The following UACA variants were observed in gnomAD, a reference collection of about 807,000 sequenced individuals.
UACA encodes nuclear membrane binding protein.
In UACA, 112 loss-of-function variants were observed where a neutral mutation model predicts 160.5. The observed-to-expected ratio is 0.70, with a 90% confidence interval of 0.60 to 0.82. The LOEUF is 0.82. UACA is among the 40% of genes least tolerant of loss of function. The pLI, the probability that UACA is intolerant of heterozygous loss-of-function variation, is 0.00. For missense variants in UACA, 1,574 were observed against 1,614.6 expected (o/e 0.97, Z 0.43); for synonymous variants, 557 against 568.4 (o/e 0.98, Z 0.29).
chr15:70,688,449 T>C (rs1897808405), intron 5 of UACA, among the ~76,000 whole-genome samples: 1 of 152,164 alleles, frequency 6.6e-6, no homozygotes, highest in African/African-American at 2.4e-5. Flanking sequence ...TGACATACAT[T>C]ATAAGCACAA....
the UACA span, among the ~76,000 whole-genome samples, chr15:70,773,133 A>C: frequency 6.6e-6 from 1 of 152,098 alleles, no homozygotes; most frequent in African/African-American, 2.4e-5. Flanking sequence ...GCTAGAGAAT[A>C]GGCAGGAACT....
At chr15:70,684,560 T>C in intron 7 of UACA, 114 bp from the exon 8 acceptor site, 2 of 1,030,578 alleles carry the variant, frequency 1.9e-6, no homozygotes, top group Non-Finnish European at 2.8e-6. Flanking sequence ...AACTAGATTA[T>C]ATATGCAACA....
Position 70,667,719 on chromosome 15 carries a change from C to A in UACA, c.2965G>T (p.Val989Phe), listed in dbSNP as rs150013138. Residue 989 changes from valine to phenylalanine, a missense_variant, in exon 16 of 19, where the codon GTC becomes TTC. By Grantham distance (50) the Val-to-Phe change is conservative. Coordinates refer to ENST00000322954, the MANE Select transcript of UACA (RefSeq NM_018003.4). Reference sequence around the variant, plus strand: ...TTTCTCTCGCACTCCTCAAAGCTGACAATTGGGGCGTATTTTACCTTAATG... The same window carrying A: ...TTTCTCTCGCACTCCTCAAAGCTGAAAATTGGGGCGTATTTTACCTTAATG... ...ECIKVKYAPI[V>F]SFEECERKFK... is the part of the protein sequence containing the mutation. 2.5e-6 allele frequency: 4 copies of A among 1,614,006 alleles called. No individual in the cohort carries two copies. In the African/African-American group the frequency reaches 4.0e-5, roughly 16 times the overall value.
the UACA span, among the ~76,000 whole-genome samples, chr15:70,772,670 A>C: frequency 6.6e-6 from 1 of 152,306 alleles, no homozygotes; most frequent in African/African-American, 2.4e-5. Context: ...CTAGATAGCA[A>C]GAGTGAAATT....
In UACA at chr15:70,666,970, T is replaced by C. The variant is rs1382398935; in HGVS notation, c.3714A>G (p.Thr1238=). ...KYKATKSDLE[T]QISSLNEKLA... is the part of the protein sequence containing the mutation. Reference sequence around the variant, plus strand: ...ATTTTTCATTTAAGCTAGAAATCTGTGTCTCCAAATCACTTTTTGTTGCTT... The same window carrying C: ...ATTTTTCATTTAAGCTAGAAATCTGCGTCTCCAAATCACTTTTTGTTGCTT... The change falls in exon 16 of 19, where the codon ACA becomes ACG. Residue 1238 remains threonine (T), a synonymous_variant. Transcript: ENST00000322954. 6.2e-7 allele frequency: 1 copy of C among 1,612,534 alleles called. No homozygotes were observed. The highest frequency in any genetic ancestry group is 8.5e-7 in the Non-Finnish European group (1 of 1,179,768).
At chr15:70,776,723 C>T in the UACA span, among the ~76,000 whole-genome samples, 3 of 152,164 alleles carry the variant, frequency 2.0e-5, no homozygotes, top group African/African-American at 7.2e-5. Flanking sequence ...GCCACCATAC[C>T]TGGCCTAAAT....
chr15:70,677,898 C>G (rs895704860), intron 11 of UACA, among the ~76,000 whole-genome samples: 37 of 152,114 alleles, frequency 2.4e-4, no homozygotes, highest in African/African-American at 8.9e-4. Flanking sequence ...TCCTCACTTC[C>G]CTGAACATTC....
chr15:70,738,216 T>C (rs1374806328), intron 1 of UACA, among the ~76,000 whole-genome samples: 1 of 152,024 alleles, frequency 6.6e-6, no homozygotes, highest in Non-Finnish European at 1.5e-5. Context: ...TTATTTTTCT[T>C]CCGGTTTCTG....
intron 7 of UACA, among the ~76,000 whole-genome samples, chr15:70,686,179 G>A (rs1897709836): frequency 6.8e-6 from 1 of 146,204 alleles, no homozygotes; most frequent in Admixed American, 6.9e-5. Flanking sequence ...TGAGCCAAAT[G>A]TTAGCAACCA....
chr15:70,669,348 ACT>A lies in UACA; in HGVS notation c.1334_1335del (p.Glu445ValfsTer9). The A allele has an allele frequency of 6.2e-7, 1 of 1,613,788 alleles. No individual in the cohort carries two copies. Among genetic ancestry groups the A allele is most frequent in the Non-Finnish European group, 8.5e-7 (1 of 1,179,922 alleles). On this transcript the variant is annotated frameshift_variant, in exon 16 of 19. Transcript: ENST00000322954. LOFTEE classifies it high-confidence loss of function. Reference protein sequence around the residue: ...SYSENEILKKELEAMRTFCES... With the variant: ...SYSENEILKKXLEAMRTFCES... The stretch of plus-strand genomic sequence containing the variant: ...TCACAGAAAGTTCGCATTGCTTCTA[ACT>A]CTTTCTTTAAAATTTCATTTTCAGA...
intron 1 of UACA, among the ~76,000 whole-genome samples, chr15:70,704,280 GC>G (rs994112826): frequency 2.0e-5 from 3 of 152,156 alleles, no homozygotes; most frequent in Admixed American, 6.5e-5. Context: ...ACATTTACCA[GC>G]AACATTGTTC....
intron 3 of UACA, among the ~76,000 whole-genome samples, 159 bp from the exon 4 acceptor site, chr15:70,691,522 T>G (rs959413512): frequency 6.6e-6 from 1 of 152,204 alleles, no homozygotes; most frequent in African/African-American, 2.4e-5. Context: ...TAGCTTGATA[T>G]TTTAGTAAGA....
chr15:70,720,492 G>T (rs1468819622), intron 1 of UACA, among the ~76,000 whole-genome samples: 2 of 152,092 alleles, frequency 1.3e-5, no homozygotes, highest in African/African-American at 4.8e-5. Flanking sequence ...TTCTTAACAG[G>T]AATGTTTATT....
chr15:70,723,962 T>C (rs1389966853), intron 1 of UACA, among the ~76,000 whole-genome samples: 1 of 152,144 alleles, frequency 6.6e-6, no homozygotes, highest in African/African-American at 2.4e-5. Context: ...TTCCTCTGAC[T>C]CCCCAGATTT....
chr15:70,771,143 A>G, the UACA span, among the ~76,000 whole-genome samples: 1 of 152,264 alleles, frequency 6.6e-6, no homozygotes, highest in Non-Finnish European at 1.5e-5. Flanking sequence ...AATTCCATCC[A>G]GAAAGAAATT....
At chr15:70,745,808 C>T (rs540274187) in intron 1 of UACA, among the ~76,000 whole-genome samples, 117 of 105,676 alleles carry the variant, frequency 1.1e-3, no homozygotes, top group African/African-American at 2.9e-3. Flanking sequence ...AATAACACCA[C>T]ACATCTACAA....
At chr15:70,671,308 T>A (rs76850699) in intron 14 of UACA, 2 of 328,378 alleles carry the variant, frequency 6.1e-6, no homozygotes, top group African/African-American at 2.7e-5. Context: ...GGTTGGTTTT[T>A]TTTTTTCTTA....
At chr15:70,659,954 T>A (rs150164807) in intron 18 of UACA, among the ~76,000 whole-genome samples, 197 bp downstream of exon 18, 11 of 152,214 alleles carry the variant, frequency 7.2e-5, no homozygotes, top group Admixed American at 7.2e-4. Flanking sequence ...AAATTTAAGA[T>A]GTTGTGTTGC....
chr15:70,660,088 T>C (rs1287865668), intron 18 of UACA, 63 bp downstream of exon 18: 1 of 1,352,606 alleles, frequency 7.4e-7, no homozygotes, highest in African/African-American at 1.5e-5. Context: ...ATAAATTTAT[T>C]TGAAAATAAA....
Sources: gnomAD v4.1 joint callset for allele counts (sites outside exome capture counted in the v4.1 genomes callset) on GRCh38, gnomAD v4.1.1 for gene constraint, MANE v1.5 for transcripts, NCBI Gene and HGNC (gene_info 2026-07-23, HGNC 2026-07-21) for gene names.